NRXN3: variants seen among roughly 807,000 people sequenced by gnomAD.
NRXN3 encodes neurexin III.
Under a neutral mutation model 137.6 loss-of-function variants are expected in NRXN3, and 32 were observed. The ratio of observed to expected loss-of-function variants is 0.23; its 90% CI spans 0.18 to 0.31. The LOEUF (loss-of-function observed/expected upper bound fraction) is 0.31. NRXN3 is among the 10% of genes least tolerant of loss of function. The pLI, the probability that NRXN3 is intolerant of heterozygous loss-of-function variation, is 1.00. For synonymous variants in NRXN3, 798 were observed against 784.5 expected, an observed-to-expected ratio of 1.02 and a Z score of -0.29; for missense variants, 1,574 against 2,062.5, an observed-to-expected ratio of 0.76 and a Z score of 4.59.
At chr14:79,404,230 T>A (rs1315555633) in intron 15 of NRXN3, among the ~76,000 whole-genome samples, 1 of 152,218 alleles carries the variant, frequency 6.6e-6, no homozygotes, top group Non-Finnish European at 1.5e-5. Flanking sequence ...ACACCCAGCC[T>A]CTATAAGGAA....
chr14:78,834,071 C>T (rs1453622696), intron 10 of NRXN3, among the ~76,000 whole-genome samples: 3 of 151,966 alleles, frequency 2.0e-5, no homozygotes, highest in Non-Finnish European at 2.9e-5. Context: ...GTTTGCAGGA[C>T]AGAAAGAATG....
chr14:79,697,480 T>C, intron 18 of NRXN3, 150 bp from the exon 19 acceptor site: 1 of 661,202 alleles, frequency 1.5e-6, no homozygotes. Flanking sequence ...TGTTACTTGC[T>C]AACGTCAGTA....
At chr14:78,493,993 A>G (rs945508424) in intron 4 of NRXN3, among the ~76,000 whole-genome samples, 1 of 152,176 alleles carries the variant, frequency 6.6e-6, no homozygotes, top group Non-Finnish European at 1.5e-5. Flanking sequence ...AAGCAGAAAG[A>G]TAGTAATTTC....
intron 15 of NRXN3, chr14:79,074,772 A>G (rs2045693893): frequency 6.6e-6 from 1 of 152,218 alleles, no homozygotes; most frequent in African/African-American, 2.4e-5. Context: ...TGTTGTGTTT[A>G]TGAGTCTGAC....
intron 4 of NRXN3, among the ~76,000 whole-genome samples, chr14:78,577,529 G>A (rs1465919511): frequency 1.3e-5 from 2 of 151,986 alleles, no homozygotes; most frequent in Non-Finnish European, 2.9e-5. Flanking sequence ...GCAATGGCAC[G>A]ATCCCTGCTC....
chr14:79,753,418 T>C, intron 19 of NRXN3, among the ~76,000 whole-genome samples: 1 of 151,618 alleles, frequency 6.6e-6, no homozygotes, highest in Admixed American at 6.6e-5. Context: ...ATGTCCTTTG[T>C]AGGGACATGG....
At chr14:78,297,961 G>T in intron 4 of NRXN3, 101 bp downstream of exon 4, 4 of 1,391,854 alleles carry the variant, frequency 2.9e-6, no homozygotes, top group Non-Finnish European at 3.9e-6. Context: ...GCCATTCGCT[G>T]CCTGTCCTTC....
chr14:78,243,577 A>G lies in NRXN3; in HGVS notation c.484A>G (p.Thr162Ala). 1 of 1,598,276 alleles carries G rather than the reference A, an allele frequency of 6.3e-7. No homozygotes were observed. Among genetic ancestry groups the G allele is most frequent in the African/African-American group, 1.3e-5 (1 of 74,980 alleles). ...TACTGACATACGACCTTCTGCCCTGACCCTTGATGGAGTTCAGGCCATGCC... is the reference window on the plus strand; with the variant it reads ...TACTGACATACGACCTTCTGCCCTGGCCCTTGATGGAGTTCAGGCCATGCC... ...VPTDIRPSAL[T>A]LDGVQAMPGF... The change falls in exon 2 of 21, where the codon ACC becomes GCC. Residue 162 changes from threonine (T) to alanine (A), a missense_variant. Transcript: ENST00000335750. This position sits in a 1 kb window ranked among gnomAD's most constrained non-coding sequence, Gnocchi z 4.2.
intron 8 of NRXN3, among the ~76,000 whole-genome samples, chr14:78,719,316 T>A (rs2098448438): frequency 6.6e-6 from 1 of 152,232 alleles, no homozygotes; most frequent in South Asian, 2.1e-4. Flanking sequence ...TTTACTTCTC[T>A]CCAGTGACTC....
chr14:79,383,440 T>C (rs2094525251), intron 15 of NRXN3, among the ~76,000 whole-genome samples: 1 of 152,124 alleles, frequency 6.6e-6, no homozygotes, highest in African/African-American at 2.4e-5. Flanking sequence ...AAACTCAAAA[T>C]TTGTCTGCAA....
intron 16 of NRXN3, among the ~76,000 whole-genome samples, chr14:79,584,032 T>C (rs1033808608): frequency 5.3e-5 from 8 of 152,222 alleles, no homozygotes; most frequent in African/African-American, 1.9e-4. Context: ...GAAGTCATCA[T>C]AGACTTGCAA....
chr14:79,516,915 A>G lies in NRXN3; in HGVS notation c.3444+49513A>G, dbSNP rs570652170. 5.3e-5 allele frequency among the ~76,000 whole-genome samples: 8 copies of G among 152,250 alleles called. No individual in the cohort carries two copies. The East Asian group carries it at 1.3e-3, about 26-fold the overall frequency. ...ACTTAACTGTTCCTTTACTGTTTGCAGTTACAAATAATACTGCAGGTAACC... is the reference window on the plus strand; with the variant it reads ...ACTTAACTGTTCCTTTACTGTTTGCGGTTACAAATAATACTGCAGGTAACC... On this transcript the variant is annotated intron_variant, in intron 16 of 20. Transcript: ENST00000335750.
At chr14:78,750,840 A>G (rs898522465) in intron 8 of NRXN3, among the ~76,000 whole-genome samples, 3 of 152,204 alleles carry the variant, frequency 2.0e-5, no homozygotes, top group African/African-American at 7.2e-5. Context: ...CTCAGAGCTC[A>G]GGAGGTAACT....
At chr14:78,429,506 A>C (rs1375679946) in intron 4 of NRXN3, among the ~76,000 whole-genome samples, 1 of 152,238 alleles carries the variant, frequency 6.6e-6, no homozygotes, top group Non-Finnish European at 1.5e-5. Flanking sequence ...AATCCGCATC[A>C]TAAAGTCAAC....
intron 15 of NRXN3, among the ~76,000 whole-genome samples, chr14:79,114,827 A>G (rs1185591572): frequency 2.6e-5 from 4 of 152,032 alleles, no homozygotes; most frequent in South Asian, 4.2e-4. Flanking sequence ...GGCACCCAGC[A>G]AAGAATGGCC....
At chr14:79,849,934 A>G (rs2099388266) in intron 20 of NRXN3, among the ~76,000 whole-genome samples, 1 of 152,200 alleles carries the variant, frequency 6.6e-6, no homozygotes, top group South Asian at 2.1e-4. Flanking sequence ...TAATGCTGAC[A>G]ACAGCAATCC....
In NRXN3 at chr14:79,428,580, C is replaced by T. The variant is rs563306518; in HGVS notation, c.3263-38641C>T. Among the ~76,000 whole-genome samples the T allele has an allele frequency of 1.0e-3, 154 of 152,122 alleles. 1 individual carries two copies. The highest frequency in any genetic ancestry group is 1.9e-3 in the Non-Finnish European group (126 of 68,004). Reference sequence around the variant, plus strand: ...TACTGCATGTGGGTATAAGTTTTTTCTTACATATATTATATATACATATAT... The same window carrying T: ...TACTGCATGTGGGTATAAGTTTTTTTTTACATATATTATATATACATATAT... On this transcript the variant is annotated intron_variant, in intron 15 of 20. Coordinates refer to ENST00000335750, the MANE Select transcript of NRXN3 (RefSeq NM_001330195.2).
chr14:78,883,849 T>G (rs914282567), intron 10 of NRXN3, among the ~76,000 whole-genome samples: 4 of 152,236 alleles, frequency 2.6e-5, no homozygotes, highest in Non-Finnish European at 4.4e-5. Context: ...ATTTGTTGCA[T>G]GATATAGTTT....
At position 78,696,629 on chromosome 14, in the gene NRXN3, C is replaced by T. The variant is rs1254914348; in HGVS notation, c.1222-12588C>T. On this transcript the variant is annotated intron_variant, in intron 6 of 20. Coordinates refer to ENST00000335750, the MANE Select transcript of NRXN3 (RefSeq NM_001330195.2). The stretch of plus-strand genomic sequence containing the variant: ...CTATATTTTATGCTGCTTCTTGTGC[C>T]TCAGATTGTGAGGATCAAATAGGGT... 7.2e-5 allele frequency among the ~76,000 whole-genome samples: 11 copies of T among 151,986 alleles called. 1 individual carries two copies. Among genetic ancestry groups the T allele is most frequent in the Non-Finnish European group, 1.5e-4 (10 of 67,986 alleles).
Sources: gnomAD v4.1 joint callset for allele counts (sites outside exome capture counted in the v4.1 genomes callset) on GRCh38, gnomAD v4.1.1 for gene constraint, Gnocchi (gnomAD v3.1) non-coding constraint, MANE v1.5 for transcripts, NCBI Gene and HGNC (gene_info 2026-07-23, HGNC 2026-07-21) for gene names.